The following EGFR variants were observed in gnomAD, a reference collection of about 807,000 sequenced individuals.
EGFR encodes the protein avian erythroblastic leukemia viral (v-erb-b) oncogene homolog.
A neutral mutation model predicts 143.0 loss-of-function variants in EGFR; 58 were observed. The ratio of observed to expected loss-of-function variants is 0.41; its 90% confidence interval spans 0.33 to 0.50. EGFR has a LOEUF of 0.50. EGFR is among the 20% of genes least tolerant of loss of function. The pLI is 0.39. For missense variants in EGFR, 1,307 were observed against 1,579.0 expected (o/e 0.83, Z 2.92); for synonymous variants, 613 against 594.4 (o/e 1.03, Z -0.45).
chr7:55,211,575 T>C lies in EGFR; in HGVS notation c.*5958T>C, dbSNP rs536194477. On this transcript the variant is annotated 3_prime_UTR_variant, in exon 28 of 28. Transcript: ENST00000275493. Reference sequence around the variant, plus strand: ...AAAAAATTAGATGTATATTATTCATTGTTCTTTACTCCTGAGTACCTTATA... The same window carrying C: ...AAAAAATTAGATGTATATTATTCATCGTTCTTTACTCCTGAGTACCTTATA... 6.6e-6 allele frequency: 1 copy of C among 151,314 alleles called. No homozygotes were observed. The highest frequency in any genetic ancestry group is 6.6e-5 in the Admixed American group (1 of 15,264). The allele number at this position is 151,314 out of a possible 1,614,324, so 9.4% of individuals were successfully genotyped here. A position where few individuals can be genotyped will look rare whatever the true frequency, so the allele number is the denominator to read the frequency against.
At chr7:55,203,025 T>C (rs1787922364) in intron 27 of EGFR, 1 of 387,486 alleles carries the variant, frequency 2.6e-6, no homozygotes, top group East Asian at 3.9e-5. Flanking sequence ...GAAACGTATA[T>C]TTAACTAATT....
intron 12 of EGFR, among the ~76,000 whole-genome samples, chr7:55,160,752 G>A (rs978910216): frequency 6.6e-6 from 1 of 152,220 alleles, no homozygotes; most frequent in Non-Finnish European, 1.5e-5. Context: ...TTTGAAGCTG[G>A]TGAGAGCCTG....
chr7:55,202,462 C>T (rs990216187), intron 26 of EGFR, 55 bp from the exon 27 acceptor site: 1 of 1,459,860 alleles, frequency 6.8e-7, no homozygotes, highest in African/African-American at 1.4e-5. Context: ...TTTTTGCAAA[C>T]ACTGAAGTTG....
intron 1 of EGFR, among the ~76,000 whole-genome samples, chr7:55,088,980 G>A (rs117729456): frequency 0.022 from 3,351 of 152,224 alleles, 53 homozygotes; most frequent in Non-Finnish European, 0.031. Flanking sequence ...TAAAAAGCAA[G>A]AACCATGCTT....
At chr7:55,151,883 A>G (rs1322127591) in intron 5 of EGFR, among the ~76,000 whole-genome samples, 1 of 152,130 alleles carries the variant, frequency 6.6e-6, no homozygotes, top group African/African-American at 2.4e-5. Flanking sequence ...CAAAACAACA[A>G]CAACAACAAC....
At chr7:55,186,626 T>C (rs1787149947) in intron 20 of EGFR, among the ~76,000 whole-genome samples, 1 of 152,244 alleles carries the variant, frequency 6.6e-6, no homozygotes, top group Non-Finnish European at 1.5e-5. Context: ...ATCACTTTAG[T>C]ATATCACTAA....
At position 55,171,397 on chromosome 7, in the gene EGFR, G is replaced by A. The variant is rs367654922; in HGVS notation, c.1919+184G>A. 2.4e-4 allele frequency among the ~76,000 whole-genome samples: 37 copies of A among 152,314 alleles called. 1 individual carries two copies. The highest frequency in any genetic ancestry group is 1.2e-3 in the South Asian group (6 of 4,822). On this transcript the variant is annotated intron_variant, in intron 16 of 27. Transcript: ENST00000275493. ...CCCAGCTGGTTCCACGTGGCTCCAC[G>A]TGCCAACTTTGTCCTCAGTGGAGGG...
intron 1 of EGFR, among the ~76,000 whole-genome samples, chr7:55,116,993 T>C (rs1792895146): frequency 6.6e-6 from 1 of 152,236 alleles, no homozygotes; most frequent in African/African-American, 2.4e-5. Flanking sequence ...TGTTTGCATT[T>C]CTGTTGGGTA....
Position 55,146,710 on chromosome 7 carries a change from T to A in EGFR, c.529T>A (p.Ser177Thr), listed in dbSNP as rs2128929597. The A allele has an allele frequency of 6.2e-7, 1 of 1,614,148 alleles. No homozygotes were observed. The highest frequency in any genetic ancestry group is 1.3e-5 in the African/African-American group (1 of 75,036). The stretch of plus-strand genomic sequence containing the variant: ...CAGCAGTGACTTTCTCAGCAACATG[T>A]CGATGGACTTCCAGAACCACCTGGG... ...IVSSDFLSNMSMDFQNHLGSC... is the reference protein window; with the variant it reads ...IVSSDFLSNMTMDFQNHLGSC... Residue 177 changes from serine (S) to threonine (T), a missense_variant, in exon 4 of 28, where the codon TCG becomes ACG. By Grantham distance (58) the Ser-to-Thr change is moderately conservative (BLOSUM62 1). Around this residue, in one of 7 missense-constraint regions of EGFR, gnomAD observed 311 missense variants for 412.3 expected, o/e 0.75. Transcript: ENST00000275493.
chr7:55,194,557 T>G (rs193092072), intron 22 of EGFR, among the ~76,000 whole-genome samples: 47 of 152,308 alleles, frequency 3.1e-4, no homozygotes, highest in African/African-American at 9.9e-4. Context: ...CCTCCAGGTA[T>G]GTTCAGATAA....
intron 1 of EGFR, among the ~76,000 whole-genome samples, chr7:55,068,249 C>T (rs533046501): frequency 6.6e-6 from 1 of 152,212 alleles, no homozygotes; most frequent in African/African-American, 2.4e-5. Flanking sequence ...AATCCTCAAT[C>T]CTCACCATCC....
At chr7:55,092,443 C>T (rs1791183523) in intron 1 of EGFR, among the ~76,000 whole-genome samples, 1 of 152,178 alleles carries the variant, frequency 6.6e-6, no homozygotes, top group East Asian at 1.9e-4. Context: ...CTCCAATTTC[C>T]TGGTGATTTC....
intron 27 of EGFR, 88 bp from the exon 28 acceptor site, chr7:55,205,168 A>G: frequency 3.2e-6 from 5 of 1,563,136 alleles, no homozygotes; most frequent in Non-Finnish European, 3.5e-6. Flanking sequence ...CTCCTTGTTG[A>G]GGACATTCAC....
At chr7:55,095,327 T>G (rs1791393983) in intron 1 of EGFR, among the ~76,000 whole-genome samples, 1 of 152,206 alleles carries the variant, frequency 6.6e-6, no homozygotes, top group Non-Finnish European at 1.5e-5. Flanking sequence ...ACTGGACTGT[T>G]GTGAGGATTA....
At chr7:55,133,014 T>C (rs1310595160) in intron 1 of EGFR, among the ~76,000 whole-genome samples, 1 of 152,174 alleles carries the variant, frequency 6.6e-6, no homozygotes, top group Non-Finnish European at 1.5e-5. Context: ...GGGCGACAGC[T>C]CAACCAGCAA....
At chr7:55,149,287 A>G (rs889221380) in intron 4 of EGFR, among the ~76,000 whole-genome samples, 2 of 152,140 alleles carry the variant, frequency 1.3e-5, no homozygotes, top group African/African-American at 2.4e-5. Flanking sequence ...AGACTAAGAA[A>G]AAGATGAATC....
intron 1 of EGFR, among the ~76,000 whole-genome samples, chr7:55,060,705 G>A (rs1215873555): frequency 6.6e-6 from 1 of 152,154 alleles, no homozygotes; most frequent in Non-Finnish European, 1.5e-5. Context: ...GATAGACCCA[G>A]CATGTAGATG....
At chr7:55,185,753 G>C (rs772541346) in intron 20 of EGFR, among the ~76,000 whole-genome samples, 9 of 152,154 alleles carry the variant, frequency 5.9e-5, no homozygotes, top group Non-Finnish European at 1.2e-4. Flanking sequence ...GGTGGGGCAG[G>C]GTTCTCAGAA....
intron 1 of EGFR, among the ~76,000 whole-genome samples, chr7:55,125,876 T>C (rs1230254212): frequency 6.6e-6 from 1 of 152,238 alleles, no homozygotes. Context: ...CATTTGAATC[T>C]GTCAGTGGCT....
Sources: gnomAD v4.1 joint callset for allele counts (sites outside exome capture counted in the v4.1 genomes callset) on GRCh38, gnomAD v4.1.1 for gene constraint, gnomAD v4.1.1 regional missense constraint, MANE v1.5 for transcripts, NCBI Gene and HGNC (gene_info 2026-07-23, HGNC 2026-07-21) for gene names.